The following RSRC1 variants were observed in gnomAD, a reference collection of about 807,000 sequenced individuals.
RSRC1 encodes arginine and serine rich coiled-coil 1.
A neutral mutation model predicts 49.1 loss-of-function variants in RSRC1; 39 were observed. That is an observed-to-expected ratio of 0.79 (90% confidence interval 0.61 to 1.04). RSRC1 has a LOEUF of 1.04. RSRC1 is among the 50% of genes least tolerant of loss of function. The pLI is 0.00. For missense variants in RSRC1, 388 were observed against 402.4 expected, an observed-to-expected ratio of 0.96 and a Z score of 0.31; for synonymous variants, 143 against 130.8, an observed-to-expected ratio of 1.09 and a Z score of -0.63.
intron 4 of RSRC1, among the ~76,000 whole-genome samples, chr3:158,286,380 A>G (rs1349019019): frequency 6.6e-6 from 1 of 152,202 alleles, no homozygotes; most frequent in Non-Finnish European, 1.5e-5. Flanking sequence ...TAATAATTAC[A>G]TGTCTTTATG....
At chr3:158,163,065 G>C (rs188568074) in intron 3 of RSRC1, among the ~76,000 whole-genome samples, 4 of 152,070 alleles carry the variant, frequency 2.6e-5, no homozygotes. Flanking sequence ...GTACAGTGGC[G>C]TGATCTCAGG....
intron 6 of RSRC1, among the ~76,000 whole-genome samples, chr3:158,378,065 GCT>G (rs1732473247): frequency 1.3e-5 from 2 of 151,712 alleles, no homozygotes; most frequent in African/African-American, 4.8e-5. Context: ...CATCTCTATC[GCT>G]CTGTTTTATC....
chr3:158,215,932 T>A (rs1721921353), intron 4 of RSRC1, among the ~76,000 whole-genome samples: 1 of 151,710 alleles, frequency 6.6e-6, no homozygotes, highest in Non-Finnish European at 1.5e-5. Context: ...ATGCTTACCA[T>A]TTTTGTTACT....
intron 6 of RSRC1, among the ~76,000 whole-genome samples, chr3:158,428,660 A>G (rs888918041): frequency 1.3e-5 from 2 of 151,916 alleles, no homozygotes; most frequent in African/African-American, 4.8e-5. Context: ...ATTGGCACAT[A>G]ACGTGTATTA....
intron 4 of RSRC1, among the ~76,000 whole-genome samples, chr3:158,209,868 AGT>A (rs1721566583): frequency 6.6e-6 from 1 of 152,184 alleles, no homozygotes; most frequent in Admixed American, 6.6e-5. Context: ...TAAGAAAACT[AGT>A]ACCATGTAGT....
intron 9 of RSRC1, 77 bp downstream of exon 9, chr3:158,543,564 C>A: frequency 7.0e-7 from 1 of 1,421,072 alleles, no homozygotes; most frequent in Non-Finnish European, 9.6e-7. Context: ...TCCTTTTGTG[C>A]TAACACCAAG....
chr3:158,343,262 G>A (rs1324034550), intron 5 of RSRC1, among the ~76,000 whole-genome samples: 1 of 152,082 alleles, frequency 6.6e-6, no homozygotes, highest in Non-Finnish European at 1.5e-5. Flanking sequence ...AAGCTGTTGT[G>A]GTCCTGCCTA....
chr3:158,433,476 G>A (rs1028627193), intron 6 of RSRC1, among the ~76,000 whole-genome samples: 7 of 151,922 alleles, frequency 4.6e-5, no homozygotes, highest in African/African-American at 1.4e-4. Context: ...GATATATTTC[G>A]TTGGTACACC....
intron 7 of RSRC1, among the ~76,000 whole-genome samples, chr3:158,512,532 T>C (rs1740248332): frequency 6.6e-6 from 1 of 152,228 alleles, no homozygotes; most frequent in African/African-American, 2.4e-5. Context: ...ATAGTATAGT[T>C]TGAAGTCAGG....
intron 4 of RSRC1, among the ~76,000 whole-genome samples, chr3:158,285,602 CTT>C (rs1457415731): frequency 6.6e-6 from 1 of 151,962 alleles, no homozygotes; most frequent in African/African-American, 2.4e-5. Flanking sequence ...TGAAGAGGTC[CTT>C]CACATCCCTT....
At chr3:158,516,470 G>A (rs562533815) in intron 7 of RSRC1, among the ~76,000 whole-genome samples, 1 of 152,114 alleles carries the variant, frequency 6.6e-6, no homozygotes, top group East Asian at 1.9e-4. Flanking sequence ...ATCTCCAGCT[G>A]GGTGCTGGGA....
chr3:158,500,782 A>G (rs1012571235), intron 7 of RSRC1, among the ~76,000 whole-genome samples: 4 of 152,116 alleles, frequency 2.6e-5, no homozygotes, highest in South Asian at 4.2e-4. Flanking sequence ...TTAATTATCT[A>G]TCAATTTTAT....
rs189955922 is a variant in RSRC1 at position 158,354,266 on chromosome 3, G to A, written c.532-591G>A. 5.0e-3 allele frequency among the ~76,000 whole-genome samples: 763 copies of A among 152,244 alleles called. 3 individuals carry two copies. The highest frequency in any genetic ancestry group is 0.017 in the African/African-American group (723 of 41,546). The stretch of plus-strand genomic sequence containing the variant: ...GGCCTCCCAAAGTGCTGGGATTACG[G>A]GCGTCAGCCACTGCGTCCGGCTGGA... On this transcript the variant is annotated intron_variant, in intron 5 of 9. Coordinates refer to ENST00000611884, the MANE Select transcript of RSRC1 (RefSeq NM_001271838.2).
intron 7 of RSRC1, among the ~76,000 whole-genome samples, chr3:158,504,561 C>T (rs1392899777): frequency 6.6e-6 from 1 of 152,196 alleles, no homozygotes; most frequent in African/African-American, 2.4e-5. Flanking sequence ...GGTCTTTCTA[C>T]TCACTGGGTA....
chr3:158,177,437 A>G (rs990782121), intron 3 of RSRC1, among the ~76,000 whole-genome samples: 3 of 152,212 alleles, frequency 2.0e-5, no homozygotes, highest in Non-Finnish European at 4.4e-5. Flanking sequence ...TGTGGCACAT[A>G]TACACCATTG....
At chr3:158,498,319 T>G (rs1739442943) in intron 7 of RSRC1, among the ~76,000 whole-genome samples, 1 of 152,086 alleles carries the variant, frequency 6.6e-6, no homozygotes. Context: ...TCATTGGTGA[T>G]GTTGAGCATT....
chr3:158,504,626 C>T (rs1289121562), intron 7 of RSRC1, among the ~76,000 whole-genome samples: 1 of 152,172 alleles, frequency 6.6e-6, no homozygotes, highest in African/African-American at 2.4e-5. Flanking sequence ...CATTTAACCT[C>T]ACTGAACTTC....
chr3:158,139,641 T>TG (rs1271148072), intron 3 of RSRC1, among the ~76,000 whole-genome samples: 3 of 151,336 alleles, frequency 2.0e-5, no homozygotes, highest in African/African-American at 4.9e-5. Context: ...TTAGTCTTTT[T>TG]TTTTTTTTTT....
At chr3:158,272,173 C>A (rs1354598507) in intron 4 of RSRC1, among the ~76,000 whole-genome samples, 1 of 151,962 alleles carries the variant, frequency 6.6e-6, no homozygotes, top group Non-Finnish European at 1.5e-5. Flanking sequence ...TTTCTTAAGC[C>A]CCGTGGATTT....
Sources: gnomAD v4.1 joint callset for allele counts (sites outside exome capture counted in the v4.1 genomes callset) on GRCh38, gnomAD v4.1.1 for gene constraint, MANE v1.5 for transcripts, NCBI Gene and HGNC (gene_info 2026-07-23, HGNC 2026-07-21) for gene names.